The following CCHCR1 variants were observed in gnomAD, a reference collection of about 807,000 sequenced individuals.
The protein encoded by CCHCR1 is coiled-coil alpha-helical rod protein 1.
CCHCR1 carries 91 observed loss-of-function variants against 114.6 expected under a neutral mutation model. The observed-to-expected ratio is 0.79, with a 90% CI of 0.67 to 0.94. The LOEUF is 0.94. Among genes scored for constraint, CCHCR1 ranks in the 40% least tolerant of loss-of-function variants. The pLI is 0.00. For synonymous variants in CCHCR1, 379 were observed against 428.5 expected (o/e 0.88, Z 1.43); for missense variants, 899 against 1,079.9 (o/e 0.83, Z 2.35).
At chr6:31,148,579 C>T (rs1489573522) in intron 9 of CCHCR1, 39 bp downstream of exon 9, 1 of 1,585,780 alleles carries the variant, frequency 6.3e-7, no homozygotes, top group East Asian at 2.2e-5. Flanking sequence ...AACAGGGGCT[C>T]CCTTGCCCTC....
chr6:31,145,286 G>T lies in CCHCR1; in HGVS notation c.1756C>A (p.Pro586Thr), dbSNP rs767350703. The T allele has an allele frequency of 1.9e-6, 3 of 1,613,910 alleles. No individual in the cohort carries two copies. Among genetic ancestry groups the T allele is most frequent in the Non-Finnish European group, 2.5e-6 (3 of 1,179,948 alleles). ...AACTCAAGGCTCACGTCTGTGACCGGTGGTGGTAGGGGACAGCTGGGACGG... is the reference window on the plus strand; with the variant it reads ...AACTCAAGGCTCACGTCTGTGACCGTTGGTGGTAGGGGACAGCTGGGACGG... ...LRQESCPLPP[P>T]VTDVSLELQQ... is the part of the protein sequence containing the mutation. The change falls in exon 13 of 18, where the codon CCG becomes ACG. Residue 586 changes from proline to threonine, a missense_variant. Coordinates refer to ENST00000396268, the MANE Select transcript of CCHCR1 (RefSeq NM_001105564.2).
In CCHCR1 at chr6:31,142,709, G is replaced by C. The variant is rs1346151051; in HGVS notation, c.2499C>G (p.Leu833=). The change falls in exon 18 of 18, where the codon CTC becomes CTG. Residue 833 remains leucine (L), a synonymous_variant. Transcript: ENST00000396268. The part of the protein sequence containing the change: ...VPTRESIKGS[L]SVLLDDLQDL... ...CCTGCAGGTCATCGAGCAGGACAGA[G>C]AGGGACCCTGGGAAGGAAGACAGCA... The C allele has an allele frequency of 1.2e-6, 2 of 1,608,956 alleles. No homozygotes were observed. The highest frequency in any genetic ancestry group is 2.2e-5 in the South Asian group (2 of 91,028).
chr6:31,149,518 G>A (rs1253003266), intron 8 of CCHCR1: 1 of 152,422 alleles, frequency 6.6e-6, no homozygotes, highest in African/African-American at 2.4e-5. Flanking sequence ...GTTCACTGTG[G>A]CCTCGCCTCG....
Position 31,145,817 on chromosome 6 carries a change from G to A in CCHCR1, c.1581-9C>T. 5 of 1,574,986 alleles carry A rather than the reference G, an allele frequency of 3.2e-6. No homozygotes were observed. The highest frequency in any genetic ancestry group is 4.4e-6 in the Non-Finnish European group (5 of 1,145,380). On this transcript the variant is annotated splice_polypyrimidine_tract_variant and intron_variant, in intron 10 of 17. Coordinates refer to ENST00000396268, the MANE Select transcript of CCHCR1 (RefSeq NM_001105564.2). ...CGAGCCAGATCTGAGAGCTGGAGAG[G>A]GCACAAGTCACTGATCCTCCATGCC...
intron 4 of CCHCR1, among the ~76,000 whole-genome samples, chr6:31,153,130 C>T (rs774985271): frequency 2.6e-5 from 4 of 152,216 alleles, no homozygotes; most frequent in African/African-American, 4.8e-5. Context: ...CAGGCGCCCA[C>T]GACTATACCC....
rs1412617563 is a variant in CCHCR1 at position 31,157,482 on chromosome 6, C to G, written c.119G>C (p.Arg40Thr). ...GLPSGLAEPWRELWRWRSRPL... is the reference protein window; with the variant it reads ...GLPSGLAEPWTELWRWRSRPL... ...TCTTGAGCGCCATCTCCAGAGTTCT[C>G]TCCATGGCTCAGCAAGGCCTGAGGG... Residue 40 changes from arginine (R) to threonine (T), a missense_variant, in exon 1 of 18, where the codon AGA becomes ACA. Physicochemically the swap from Arg to Thr is moderately conservative, Grantham distance 71. Coordinates refer to ENST00000396268, the MANE Select transcript of CCHCR1 (RefSeq NM_001105564.2). 1 of 1,613,052 alleles carries G rather than the reference C, an allele frequency of 6.2e-7. No homozygotes were observed. Among genetic ancestry groups the G allele is most frequent in the South Asian group, 1.1e-5 (1 of 91,090 alleles).
At position 31,145,149 on chromosome 6, in the gene CCHCR1, CT is replaced by C. The variant is rs1744247691; in HGVS notation, c.1876+16del. The C allele has an allele frequency of 6.2e-7, 1 of 1,611,104 alleles. No individual in the cohort carries two copies. Among genetic ancestry groups the C allele is most frequent in the African/African-American group, 1.3e-5 (1 of 74,862 alleles). On this transcript the variant is annotated intron_variant, in intron 13 of 17. Coordinates refer to ENST00000396268, the MANE Select transcript of CCHCR1 (RefSeq NM_001105564.2). ...GGTTTTTCCTCATCCTCTCCACCCC[CT>C]GGCAACCAGGTGTACCTTGCTCCCG...
chr6:31,156,808 T>C lies in CCHCR1; in HGVS notation c.420A>G (p.Leu140=), dbSNP rs1776083565. The C allele has an allele frequency of 1.2e-6, 2 of 1,612,898 alleles. No individual in the cohort carries two copies. Among genetic ancestry groups the C allele is most frequent in the Non-Finnish European group, 8.5e-7 (1 of 1,180,002 alleles). ...PGHQDVSERR[L]DTQRPQVTMW... ...TGGTCACTTGAGGTCTCTGGGTGTC[T>C]AGCCGCCTCTCTGAGACATCTTGAT... The change falls in exon 3 of 18, where the codon CTA becomes CTG. Residue 140 remains leucine, a synonymous_variant. Transcript: ENST00000396268.
rs111409280 is a variant in CCHCR1, at chr6:31,144,749, C to G, written c.2105G>C (p.Arg702Pro). ...EKVAEVETRL[R>P]EQLSDTERRL... The stretch of plus-strand genomic sequence containing the variant: ...CCTCTCTGTGTCTGAGAGTTGCTCC[C>G]GCAGCCGAGTTTCCACTTCAGCCAC... The change falls in exon 15 of 18, where the codon CGG becomes CCG. Residue 702 changes from arginine to proline, a missense_variant. Transcript: ENST00000396268. The surrounding 1 kb of genome is among the most constrained non-coding windows in gnomAD (Gnocchi z 4.6). 2 of 1,613,974 alleles carry G rather than the reference C, an allele frequency of 1.2e-6. No individual in the cohort carries two copies. Among genetic ancestry groups the G allele is most frequent in the Non-Finnish European group, 1.7e-6 (2 of 1,179,958 alleles).
rs17190638 is a variant in CCHCR1 at position 31,146,102 on chromosome 6, T to C, written c.1581-294A>G. 0.042 allele frequency among the ~76,000 whole-genome samples: 6,452 copies of C among 152,234 alleles called. 215 individuals carry two copies. Among genetic ancestry groups the C allele is most frequent in the Middle Eastern group, 0.088 (26 of 294 alleles). On this transcript the variant is annotated intron_variant, in intron 10 of 17. Transcript: ENST00000396268. ...GGCTCCTGCCTGTAATCCCAGCACT[T>C]TGGGAGGCCGAGGCGGGCGGATCAC... is the stretch of plus-strand genomic sequence containing the variant.
At position 31,154,413 on chromosome 6, in the gene CCHCR1, T is replaced by G; in HGVS notation, c.801+83A>C. 2 of 1,119,300 alleles carry G rather than the reference T, an allele frequency of 1.8e-6. No homozygotes were observed. Among genetic ancestry groups the G allele is most frequent in the Non-Finnish European group, 2.6e-6 (2 of 758,452 alleles). 69.3% of individuals were successfully genotyped at this position (1,119,300 alleles called of 1,614,324 possible). ...ACTACTCACTACTCATGGAGGGTCT[T>G]TTCTGCAATACCTGTTCTTTGCTTG... is the stretch of plus-strand genomic sequence containing the variant. On this transcript the variant is annotated intron_variant, in intron 4 of 17. Transcript: ENST00000396268. This position sits in a 1 kb window ranked among gnomAD's most constrained non-coding sequence, Gnocchi z 4.1.
chr6:31,143,444 G>A lies in CCHCR1; in HGVS notation c.2168-31C>T. ...GAGAGGCCAAGGCACAGAGGAGGCA[G>A]GTGTGAGTCAGGCCAGAGGCAGCCA... On this transcript the variant is annotated intron_variant, in intron 15 of 17. Coordinates refer to ENST00000396268, the MANE Select transcript of CCHCR1 (RefSeq NM_001105564.2). This position sits in a 1 kb window ranked among gnomAD's most constrained non-coding sequence, Gnocchi z 5.3. 6.2e-7 allele frequency: 1 copy of A among 1,609,012 alleles called. No individual in the cohort carries two copies. The highest frequency in any genetic ancestry group is 1.1e-5 in the South Asian group (1 of 90,902).
chr6:31,156,908 G>A lies in CCHCR1; in HGVS notation c.320C>T (p.Ala107Val). 1 of 1,612,932 alleles carries A rather than the reference G, an allele frequency of 6.2e-7. No individual in the cohort carries two copies. The highest frequency in any genetic ancestry group is 1.1e-5 in the South Asian group (1 of 91,084). Residue 107 changes from alanine to valine, a missense_variant, in exon 3 of 18, where the codon GCT becomes GTT. Coordinates refer to ENST00000396268, the MANE Select transcript of CCHCR1 (RefSeq NM_001105564.2). ...TGLIPPSHFQ[A>V]RPLSTLPRMA... ...TCTTGGCAGAGTTGAAAGGGGCCGA[G>A]CTTGAAAGTGGGAGGGGGGAATCAG...
Position 31,144,782 on chromosome 6 carries a change from T to C in CCHCR1, c.2072A>G (p.Gln691Arg), listed in dbSNP as rs137961326. The C allele has an allele frequency of 6.2e-7, 1 of 1,613,854 alleles. No individual in the cohort carries two copies. The highest frequency in any genetic ancestry group is 1.3e-5 in the African/African-American group (1 of 74,914). Residue 691 changes from glutamine (Q) to arginine (R), a missense_variant, in exon 15 of 18, where the codon CAA becomes CGA. Transcript: ENST00000396268. The surrounding 1 kb of genome is among the most constrained non-coding windows in gnomAD (Gnocchi z 4.6). ...QQQELYGQALQEKVAEVETRL... is the reference protein window; with the variant it reads ...QQQELYGQALREKVAEVETRL... ...AGTTTCCACTTCAGCCACCTTTTCTTGCAGGGCTGGGGTGAAAGTGCAGAC... is the reference window on the plus strand; with the variant it reads ...AGTTTCCACTTCAGCCACCTTTTCTCGCAGGGCTGGGGTGAAAGTGCAGAC...
chr6:31,144,918 C>G lies in CCHCR1; in HGVS notation c.2032G>C (p.Glu678Gln), dbSNP rs1774094401. Residue 678 changes from glutamate (E) to glutamine (Q), a missense_variant, in exon 14 of 18, where the codon GAG (glutamate) becomes CAG (glutamine). Physicochemically the swap from Glu to Gln is conservative, Grantham distance 29 (BLOSUM62 2). Coordinates refer to ENST00000396268, the MANE Select transcript of CCHCR1 (RefSeq NM_001105564.2). The surrounding 1 kb of genome is among the most constrained non-coding windows in gnomAD (Gnocchi z 4.6). Reference sequence around the variant, plus strand: ...TAGAGTTCCTGCTGCTGGGTCAGCTCCTGCCGCAGACTGGCAGCCTCCTCT... The same window carrying G: ...TAGAGTTCCTGCTGCTGGGTCAGCTGCTGCCGCAGACTGGCAGCCTCCTCT... ...STEEAASLRQELTQQQELYGQ... is the reference protein window; with the variant it reads ...STEEAASLRQQLTQQQELYGQ... 6.2e-7 allele frequency: 1 copy of G among 1,613,084 alleles called. No individual in the cohort carries two copies. Among genetic ancestry groups the G allele is most frequent in the Non-Finnish European group, 8.5e-7 (1 of 1,180,018 alleles).
At chr6:31,152,505 A>G (rs1054132295) in intron 4 of CCHCR1, among the ~76,000 whole-genome samples, 6 of 151,536 alleles carry the variant, frequency 4.0e-5, no homozygotes, top group African/African-American at 1.5e-4. Flanking sequence ...CGCCCAGCTA[A>G]TTTTTGTATT....
rs9281228 is a variant in CCHCR1, at chr6:31,144,057, AAAC to A, written c.2167+627_2167+629del. On this transcript the variant is annotated intron_variant, in intron 15 of 17. Transcript: ENST00000396268. The surrounding 1 kb of genome is among the most constrained non-coding windows in gnomAD (Gnocchi z 4.6). ...TGGTGACAGAGGAAGACTCTGTCTC[AAAC>A]AACAACAACAACAAAACATTAAATG... Among the ~76,000 whole-genome samples the A allele has an allele frequency of 2.9e-4, 44 of 150,582 alleles. No homozygotes were observed. Among genetic ancestry groups the A allele is most frequent in the South Asian group, 6.3e-4 (3 of 4,798 alleles).
chr6:31,154,750 T>A lies in CCHCR1; in HGVS notation c.547A>T (p.Ile183Phe), dbSNP rs1412746717. ...CGCAGCTCTTGCAGCTGCCGAACGA[T>A]CACCTCAGCCTGCTGGCTCAGGGCC... is the stretch of plus-strand genomic sequence containing the variant. ...SQALSQQAEV[I>F]VRQLQELRRL... The change falls in exon 4 of 18, where the codon ATC (isoleucine) becomes TTC (phenylalanine). Residue 183 changes from isoleucine (I) to phenylalanine (F), a missense_variant. Ile to Phe is a conservative substitution (Grantham distance 21, BLOSUM62 0). Coordinates refer to ENST00000396268, the MANE Select transcript of CCHCR1 (RefSeq NM_001105564.2). The surrounding 1 kb of genome is among the most constrained non-coding windows in gnomAD (Gnocchi z 4.1). 6.2e-7 allele frequency: 1 copy of A among 1,606,866 alleles called. No homozygotes were observed. Among genetic ancestry groups the A allele is most frequent in the African/African-American group, 1.3e-5 (1 of 75,024 alleles).
chr6:31,148,147 T>C (rs1011923226), intron 10 of CCHCR1, among the ~76,000 whole-genome samples: 6 of 152,200 alleles, frequency 3.9e-5, no homozygotes, highest in Admixed American at 2.6e-4. Flanking sequence ...TAGACTGAAC[T>C]GCAGGAGGAA....
Sources: gnomAD v4.1 joint callset for allele counts (sites outside exome capture counted in the v4.1 genomes callset) on GRCh38, gnomAD v4.1.1 for gene constraint, Gnocchi (gnomAD v3.1) non-coding constraint, MANE v1.5 for transcripts, NCBI Gene and HGNC (gene_info 2026-07-23, HGNC 2026-07-21) for gene names.